Variants in SMAD6 observed in about 807,000 individuals in gnomAD.
SMAD6 encodes the protein MAD homolog 6.
SMAD6 carries 103 observed loss-of-function variants against 39.4 expected under a neutral mutation model. The ratio of observed to expected loss-of-function variants is 2.62; its 90% CI spans 2.23 to 3.08. SMAD6 has a LOEUF of 3.08. Ranked by LOEUF, SMAD6 falls within the 30% of genes most tolerant of loss-of-function variation. The pLI, the probability that SMAD6 is intolerant of heterozygous loss-of-function variation, is 0.00. For synonymous variants in SMAD6, 445 were observed against 353.3 expected (o/e 1.26, Z -2.91); for missense variants, 1,104 against 742.9 (o/e 1.49, Z -5.65).
intron 3 of SMAD6, among the ~76,000 whole-genome samples, chr15:66,774,900 TGCCCAGGCTGGAGTGCA>T (rs1371693042): frequency 6.6e-6 from 1 of 151,292 alleles, no homozygotes; most frequent in African/African-American, 2.5e-5. Context: ...TCGCTCTTGT[TGCCCAGGCTGGAGTGCA>T]GTGGTGCAAT....
At chr15:66,753,964 C>T (rs1220108618) in intron 3 of SMAD6, among the ~76,000 whole-genome samples, 2 of 152,210 alleles carry the variant, frequency 1.3e-5, no homozygotes, top group African/African-American at 4.8e-5. Context: ...TCAGATGTCA[C>T]CTCTACAGGA....
At chr15:66,750,942 G>A (rs1893993925) in intron 3 of SMAD6, among the ~76,000 whole-genome samples, 1 of 152,168 alleles carries the variant, frequency 6.6e-6, no homozygotes, top group Non-Finnish European at 1.5e-5. Flanking sequence ...TGGGGGCTGA[G>A]GGGATGTGAG....
In SMAD6 at chr15:66,702,896, A is replaced by C. The variant is rs867983922; in HGVS notation, c.-363A>C. The C allele has an allele frequency of 5.0e-6, 1 of 198,688 alleles. No homozygotes were observed. The highest frequency in any genetic ancestry group is 1.8e-3 in the Middle Eastern group (1 of 568). The allele number at this position is 198,688 out of a possible 1,614,324, so 12.3% of individuals were successfully genotyped here. ...CGCTTTGTGCTCATGGACCAGCCGC[A>C]CAACTTTTGAAGGCTCGCCGGCCCA... On this transcript the variant is annotated 5_prime_UTR_variant, in exon 1 of 4. Coordinates refer to ENST00000288840, the MANE Select transcript of SMAD6 (RefSeq NM_005585.5).
chr15:66,741,910 C>T (rs751799704), intron 3 of SMAD6, among the ~76,000 whole-genome samples: 2 of 152,218 alleles, frequency 1.3e-5, no homozygotes, highest in African/African-American at 4.8e-5. Flanking sequence ...CAAGGCCGCT[C>T]TCCTGGTTGG....
intron 3 of SMAD6, among the ~76,000 whole-genome samples, chr15:66,775,116 C>T (rs1894444342): frequency 6.6e-6 from 1 of 152,102 alleles, no homozygotes; most frequent in Non-Finnish European, 1.5e-5. Context: ...CCCACCTCAG[C>T]CTCCCAAAGT....
intron 3 of SMAD6, among the ~76,000 whole-genome samples, chr15:66,721,479 C>T (rs1375066065): frequency 6.6e-6 from 1 of 152,162 alleles, no homozygotes; most frequent in Non-Finnish European, 1.5e-5. Context: ...TGTTCTGAGT[C>T]CCTGTAGCTG....
intron 3 of SMAD6, among the ~76,000 whole-genome samples, chr15:66,762,223 C>T (rs4776831): frequency 0.49 from 74,069 of 152,072 alleles, 18,574 homozygotes; most frequent in East Asian, 0.66. Context: ...TGGACTCCCC[C>T]GTTATTTTCT....
At chr15:66,724,208 C>T (rs1893482261) in intron 3 of SMAD6, among the ~76,000 whole-genome samples, 1 of 151,990 alleles carries the variant, frequency 6.6e-6, no homozygotes, top group South Asian at 2.1e-4. Flanking sequence ...ACCAGGGAAC[C>T]CTGGGATATA....
intron 3 of SMAD6, among the ~76,000 whole-genome samples, chr15:66,746,327 T>G (rs1893907342): frequency 6.6e-6 from 1 of 152,122 alleles, no homozygotes; most frequent in Non-Finnish European, 1.5e-5. Context: ...GCTCTCCTCC[T>G]CCCTCCTGTG....
At chr15:66,737,173 G>C (rs1893727147) in intron 3 of SMAD6, among the ~76,000 whole-genome samples, 1 of 152,228 alleles carries the variant, frequency 6.6e-6, no homozygotes, top group Non-Finnish European at 1.5e-5. Flanking sequence ...AGCAGGCCCA[G>C]GGTCAGCCTG....
At chr15:66,740,585 C>T (rs1033743316) in intron 3 of SMAD6, 7 of 152,066 alleles carry the variant, frequency 4.6e-5, no homozygotes, top group Non-Finnish European at 7.3e-5. Context: ...AATAGTGGAC[C>T]GTTTGCCTGG....
At chr15:66,780,035 G>A (rs1358120125) in intron 3 of SMAD6, among the ~76,000 whole-genome samples, 1 of 152,178 alleles carries the variant, frequency 6.6e-6, no homozygotes, top group African/African-American at 2.4e-5. Flanking sequence ...CAGTGACAAG[G>A]GATTTCAGTA....
At chr15:66,719,556 C>A (rs1404808316) in intron 3 of SMAD6, among the ~76,000 whole-genome samples, 1 of 152,216 alleles carries the variant, frequency 6.6e-6, no homozygotes, top group Non-Finnish European at 1.5e-5. Flanking sequence ...GTGTCTGCAG[C>A]CCCAGGATGG....
intron 3 of SMAD6, among the ~76,000 whole-genome samples, chr15:66,731,109 C>T (rs747051768): frequency 1.3e-5 from 2 of 152,170 alleles, no homozygotes; most frequent in Non-Finnish European, 2.9e-5. Context: ...CATTATTGCA[C>T]AATCAAGATA....
chr15:66,703,556 G>T lies in SMAD6; in HGVS notation c.298G>T (p.Ala100Ser). The T allele has an allele frequency of 1.6e-6, 2 of 1,222,714 alleles. No homozygotes were observed. Among genetic ancestry groups the T allele is most frequent in the South Asian group, 8.2e-5 (2 of 24,406 alleles). 75.7% of individuals were successfully genotyped at this position (1,222,714 alleles called of 1,614,324 possible). A position where few individuals can be genotyped will look rare whatever the true frequency, so the allele number is the denominator to read the frequency against. Residue 100 changes from alanine (A) to serine (S), a missense_variant, in exon 1 of 4, where the codon GCT becomes TCT. Transcript: ENST00000288840. ...PRPMSEPGAG[A>S]GSSLLDVAEP... ...GCCCATGTCGGAGCCAGGGGCCGGC[G>T]CTGGGAGCTCCCTGCTGGACGTGGC...
At chr15:66,716,973 T>C (rs1411839548) in intron 3 of SMAD6, 1 of 1,288,666 alleles carries the variant, frequency 7.8e-7, no homozygotes, top group Non-Finnish European at 1.0e-6. Context: ...AGTGAGGAGT[T>C]TGGCAAAGCC....
rs1000147516 is a variant in SMAD6, at chr15:66,703,064, C to T, written c.-195C>T. Reference sequence around the variant, plus strand: ...TCGGCGTGCGCGTGTTCCCGGCCGTCCCGCCTCGGCGAGCTCCCTCATGTT... The same window carrying T: ...TCGGCGTGCGCGTGTTCCCGGCCGTTCCGCCTCGGCGAGCTCCCTCATGTT... On this transcript the variant is annotated 5_prime_UTR_variant, in exon 1 of 4. Coordinates refer to ENST00000288840, the MANE Select transcript of SMAD6 (RefSeq NM_005585.5). 2.2e-5 allele frequency: 9 copies of T among 415,894 alleles called. No homozygotes were observed. The highest frequency in any genetic ancestry group is 3.0e-5 in the Non-Finnish European group (7 of 230,756). The allele number at this position is 415,894 out of a possible 1,614,324, so 25.8% of individuals were successfully genotyped here. A position where few individuals can be genotyped will look rare whatever the true frequency, so the allele number is the denominator to read the frequency against.
chr15:66,752,022 C>G (rs1168921088), intron 3 of SMAD6, among the ~76,000 whole-genome samples: 1 of 148,728 alleles, frequency 6.7e-6, no homozygotes, highest in African/African-American at 2.5e-5. Context: ...TAATAAAACC[C>G]CCTTCATTTA....
intron 3 of SMAD6, among the ~76,000 whole-genome samples, chr15:66,739,827 G>C (rs1893781840): frequency 6.6e-6 from 1 of 152,130 alleles, no homozygotes; most frequent in Admixed American, 6.5e-5. Flanking sequence ...TTTTTTAAGA[G>C]ATGGGCCTCG....
Sources: gnomAD v4.1 joint callset for allele counts (sites outside exome capture counted in the v4.1 genomes callset) on GRCh38, gnomAD v4.1.1 for gene constraint, MANE v1.5 for transcripts, NCBI Gene and HGNC (gene_info 2026-07-23, HGNC 2026-07-21) for gene names.